SERAC1: variants seen among roughly 807,000 people sequenced by gnomAD.
SERAC1 encodes protein SERAC1.
A neutral mutation model predicts 85.7 loss-of-function variants in SERAC1; 36 were observed. That is an observed-to-expected ratio of 0.42 (90% CI 0.32 to 0.55). The LOEUF (loss-of-function observed/expected upper bound fraction) is 0.55. Ranked by LOEUF, SERAC1 falls within the 20% of genes least tolerant of loss-of-function variation. The probability of loss-of-function intolerance (pLI) is 0.11; values close to 1 mark genes in which losing one functional copy is unlikely to be tolerated. For missense variants in SERAC1, 629 were observed against 796.2 expected, an observed-to-expected ratio of 0.79 and a Z score of 2.53; for synonymous variants, 242 against 265.3, an observed-to-expected ratio of 0.91 and a Z score of 0.85.
chr6:158,140,472 G>A (rs943856566), intron 8 of SERAC1, among the ~76,000 whole-genome samples: 7 of 152,208 alleles, frequency 4.6e-5, no homozygotes, highest in African/African-American at 7.2e-5. Flanking sequence ...AAGGCTCAGC[G>A]CCCCTTCCTA....
Position 158,139,852 on chromosome 6 carries a change from T to A in SERAC1, c.738+3204A>T, listed in dbSNP as rs147302278. On this transcript the variant is annotated intron_variant, in intron 8 of 16. Transcript: ENST00000647468. ...GCACGTGAAAAGATGCCCAACATCA[T>A]TAAGCATTAGGAAATGCAAATCAAA... 3.9e-3 allele frequency among the ~76,000 whole-genome samples: 592 copies of A among 152,334 alleles called. 5 individuals are homozygous for A. Among genetic ancestry groups the A allele is most frequent in the African/African-American group, 0.014 (567 of 41,576 alleles).
intron 1 of SERAC1, among the ~76,000 whole-genome samples, chr6:158,167,617 A>G (rs1462622253): frequency 6.6e-6 from 1 of 151,888 alleles, no homozygotes; most frequent in Non-Finnish European, 1.5e-5. Context: ...CAAGAATCTC[A>G]TATCTCAACT....
At chr6:158,112,455 C>CTAA (rs775072251) in intron 16 of SERAC1, 30,832 of 151,782 alleles carry the variant, frequency 0.2, 3,228 homozygotes, top group East Asian at 0.3. Context: ...TTCAAGCTTC[C>CTAA]AAAGTCCTTT....
At chr6:158,129,489 AG>A (rs764243662) in intron 9 of SERAC1, among the ~76,000 whole-genome samples, 15 of 152,218 alleles carry the variant, frequency 9.9e-5, no homozygotes, top group Non-Finnish European at 2.1e-4. Context: ...ACTTGATACA[AG>A]TGAGTGGAAA....
At position 158,113,577 on chromosome 6, in the gene SERAC1, T is replaced by TTAAG. The variant is rs776978132; in HGVS notation, c.1696_1699dup (p.Lys567ThrfsTer2). The stretch of plus-strand genomic sequence containing the variant: ...CTCCAGAAAGTCATCTTGTAGTGTT[T>TTAAG]TAAGTGCAGGAGAATCTGTAAAATT... On this transcript the variant is annotated stop_gained and frameshift_variant, in exon 16 of 17. Transcript: ENST00000647468. LOFTEE classifies it high-confidence loss of function. 5.6e-6 allele frequency: 9 copies of TTAAG among 1,613,826 alleles called. No homozygotes were observed. In the African/African-American group the frequency reaches 1.1e-4, roughly 19 times the overall value.
chr6:158,112,295 C>G (rs1387845129), intron 16 of SERAC1: 2 of 152,380 alleles, frequency 1.3e-5, no homozygotes, highest in Non-Finnish European at 2.9e-5. Context: ...CGCCTGTGGT[C>G]CCAGCTACTC....
At chr6:158,124,969 T>G (rs928499076) in intron 10 of SERAC1, among the ~76,000 whole-genome samples, 3 of 152,116 alleles carry the variant, frequency 2.0e-5, no homozygotes, top group Non-Finnish European at 2.9e-5. Flanking sequence ...CAGATGTAAA[T>G]CCATATATAC....
At chr6:158,111,554 C>A in intron 16 of SERAC1, 52 bp from the exon 17 acceptor site, 2 of 1,428,280 alleles carry the variant, frequency 1.4e-6, no homozygotes, top group South Asian at 1.4e-5. Context: ...AAGCTTTCCC[C>A]TTGACAATAC....
intron 2 of SERAC1, among the ~76,000 whole-genome samples, chr6:158,156,576 ACTG>A (rs949938053): frequency 7.3e-5 from 11 of 151,410 alleles, no homozygotes; most frequent in African/African-American, 2.4e-4. Flanking sequence ...CCTGCCCTAA[ACTG>A]TCTCCACCTT....
chr6:158,109,727 T>C lies in SERAC1; in HGVS notation c.*1639A>G, dbSNP rs1784098919. On this transcript the variant is annotated 3_prime_UTR_variant, in exon 17 of 17. Transcript: ENST00000647468. The stretch of plus-strand genomic sequence containing the variant: ...ATGATCATGGTAGCATTATTTATCA[T>C]AGACAAAAATGAACAGAACCTAGAT... The C allele has an allele frequency of 6.6e-6, 1 of 152,176 alleles. No homozygotes were observed. Among genetic ancestry groups the C allele is most frequent in the African/African-American group, 2.4e-5 (1 of 41,432 alleles). 9.4% of individuals were successfully genotyped at this position (152,176 alleles called of 1,614,324 possible). A position where few individuals can be genotyped will look rare whatever the true frequency, so the allele number is the denominator to read the frequency against.
intron 13 of SERAC1, chr6:158,116,550 A>T: frequency 2.7e-6 from 1 of 368,138 alleles, no homozygotes. Context: ...TCTCTGCTCA[A>T]TTCCTGAAAT....
Position 158,120,712 on chromosome 6 carries a change from C to T in SERAC1, c.1016-137G>A. On this transcript the variant is annotated intron_variant, in intron 10 of 16. Transcript: ENST00000647468. The surrounding 1 kb of genome is among the most constrained non-coding windows in gnomAD (Gnocchi z 4.4). ...TCCTTGGCGGAGAAGTCCGACTATT[C>T]CAACCCCATTCTGCCCTACGATCCT... The T allele has an allele frequency of 1.1e-6, 1 of 901,032 alleles. No individual in the cohort carries two copies. Among genetic ancestry groups the T allele is most frequent in the Non-Finnish European group, 1.6e-6 (1 of 608,486 alleles). The allele number at this position is 901,032 out of a possible 1,614,324, so 55.8% of individuals were successfully genotyped here.
At position 158,146,847 on chromosome 6, in the gene SERAC1, T is replaced by C; in HGVS notation, c.422A>G (p.Lys141Arg). The C allele has an allele frequency of 6.2e-7, 1 of 1,613,988 alleles. No individual in the cohort carries two copies. The highest frequency in any genetic ancestry group is 8.5e-7 in the Non-Finnish European group (1 of 1,179,872). Residue 141 changes from lysine (K) to arginine (R), a missense_variant, in exon 6 of 17, where the codon AAG becomes AGG. Physicochemically the swap from Lys to Arg is conservative, Grantham distance 26. Coordinates refer to ENST00000647468, the MANE Select transcript of SERAC1 (RefSeq NM_032861.4). ...CAVWLLLRKS[K>R]SDDKTTRLEA... ...GAGTCGCGTGGTTTTGTCATCTGAC[T>C]TGCTCTTCCGTAGGAGCAGCCACAC...
chr6:158,114,849 ATT>A lies in SERAC1; in HGVS notation c.1622_1623del (p.Glu541ValfsTer4), dbSNP rs1456876846. On this transcript the variant is annotated frameshift_variant, in exon 15 of 17. Coordinates refer to ENST00000647468, the MANE Select transcript of SERAC1 (RefSeq NM_032861.4). LOFTEE classifies it high-confidence loss of function. ...SVPHHGSRLA[E>X]YSVNIRYLLF... ...AGAAGATAGCGAATATTAACAGAGT[ATT>A]CAGCCAAACGTGATCCATGATGAGG... The A allele has an allele frequency of 6.2e-7, 1 of 1,614,120 alleles. No individual in the cohort carries two copies. Among genetic ancestry groups the A allele is most frequent in the Admixed American group, 1.7e-5 (1 of 60,026 alleles).
intron 7 of SERAC1, among the ~76,000 whole-genome samples, chr6:158,143,550 C>G (rs1784982286): frequency 6.6e-6 from 1 of 152,068 alleles, no homozygotes; most frequent in African/African-American, 2.4e-5. Context: ...TAAACTTTAA[C>G]TCTCAATGTT....
chr6:158,158,516 T>A, intron 1 of SERAC1, 152 bp from the exon 2 acceptor site: 1 of 530,634 alleles, frequency 1.9e-6, no homozygotes, highest in Non-Finnish European at 3.3e-6. Flanking sequence ...AAAAAAAAAA[T>A]TCTCCATTAA....
Position 158,116,248 on chromosome 6 carries a change from T to C in SERAC1, c.1438A>G (p.Arg480Gly). Residue 480 changes from arginine (R) to glycine (G), a missense_variant, in exon 14 of 17, where the codon AGG becomes GGG. Coordinates refer to ENST00000647468, the MANE Select transcript of SERAC1 (RefSeq NM_032861.4). ...CCAACACCAGCAGCTCTGAGCTTCC[T>C]AAGAAGTTCGTTGCTTCTGAATGCA... ...SIAFRSNELL[R>G]KLRAAGVGDR... is the part of the protein sequence containing the mutation. 1 of 1,614,178 alleles carries C rather than the reference T, an allele frequency of 6.2e-7. No homozygotes were observed. The highest frequency in any genetic ancestry group is 1.1e-5 in the South Asian group (1 of 91,092).
intron 2 of SERAC1, among the ~76,000 whole-genome samples, chr6:158,156,939 G>GATATTAATATATTTATATAA (rs1441650891): frequency 6.7e-5 from 5 of 74,692 alleles, no homozygotes; most frequent in East Asian, 9.2e-4. Flanking sequence ...TATTTATATA[G>GATATTAATATATTTATATAA]ATATTAATAT....
chr6:158,118,941 A>C lies in SERAC1; in HGVS notation c.1308+88T>G, dbSNP rs919476619. The stretch of plus-strand genomic sequence containing the variant: ...AAGAACTGCATGGGAAAAAAATCCC[A>C]GAACAAAGAGAAAAACAAGCAAGCC... On this transcript the variant is annotated intron_variant, in intron 12 of 16. Transcript: ENST00000647468. 8.7e-6 allele frequency: 13 copies of C among 1,497,276 alleles called. No individual in the cohort carries two copies. The Admixed American group carries it at 1.3e-4, about 15-fold the overall frequency. 92.7% of individuals were successfully genotyped at this position (1,497,276 alleles called of 1,614,324 possible). A position where few individuals can be genotyped will look rare whatever the true frequency, so the allele number is the denominator to read the frequency against.
Sources: gnomAD v4.1 joint callset for allele counts (sites outside exome capture counted in the v4.1 genomes callset) on GRCh38, gnomAD v4.1.1 for gene constraint, Gnocchi (gnomAD v3.1) non-coding constraint, MANE v1.5 for transcripts, NCBI Gene and HGNC (gene_info 2026-07-23, HGNC 2026-07-21) for gene names.